PC: variants seen among roughly 807,000 people sequenced by gnomAD.
PC encodes pyruvate carboxylase, mitochondrial.
Under a neutral mutation model 107.8 loss-of-function variants are expected in PC, and 46 were observed. The ratio of observed to expected loss-of-function variants is 0.43; its 90% CI spans 0.34 to 0.55. PC has a LOEUF of 0.55. PC is among the 20% of genes least tolerant of loss of function. The pLI is 0.04. For missense variants in PC, 1,241 were observed against 1,643.1 expected (o/e 0.76, Z 4.23); for synonymous variants, 662 against 684.7 (o/e 0.97, Z 0.52).
intron 3 of PC, among the ~76,000 whole-genome samples, chr11:66,932,383 C>T (rs1948880591): frequency 6.6e-6 from 1 of 152,126 alleles, no homozygotes; most frequent in Admixed American, 6.5e-5. Flanking sequence ...CTGTTTTCAG[C>T]ATGGAAGGCA....
chr11:66,871,165 T>G lies in PC; in HGVS notation c.520A>C (p.Ile174Leu). Reference sequence around the variant, plus strand: ...TCGTGGGCCTCATGCAGGGACGTGATGGGGGCATCTGTGCCAGGGACAACG... The same window carrying G: ...TCGTGGGCCTCATGCAGGGACGTGAGGGGGGCATCTGTGCCAGGGACAACG... ...VPVVPGTDAPITSLHEAHEFS... is the reference protein window; with the variant it reads ...VPVVPGTDAPLTSLHEAHEFS... The change falls in exon 7 of 23, where the codon ATC becomes CTC. Residue 174 changes from isoleucine (I) to leucine (L), a missense_variant. Around this residue, in one of 2 missense-constraint regions of PC, gnomAD observed 1,143 missense variants for 1,551.9 expected, o/e 0.74. Transcript: ENST00000393960. This position sits in a 1 kb window ranked among gnomAD's most constrained non-coding sequence, Gnocchi z 7.4. 3.7e-6 allele frequency: 6 copies of G among 1,613,634 alleles called. No individual in the cohort carries two copies. Among genetic ancestry groups the G allele is most frequent in the Non-Finnish European group, 5.1e-6 (6 of 1,179,716 alleles).
chr11:66,848,443 T>A lies in PC; in HGVS notation c.*456A>T. ...TCTGAGGAGAACGACACAACTGACC[T>A]GCCCACCCATGGGGAGCTTGAAAGG... On this transcript the variant is annotated 3_prime_UTR_variant, in exon 23 of 23. Coordinates refer to ENST00000393960, the MANE Select transcript of PC (RefSeq NM_001040716.2). 1 of 528,140 alleles carries A rather than the reference T, an allele frequency of 1.9e-6. No individual in the cohort carries two copies. The highest frequency in any genetic ancestry group is 3.3e-5 in the South Asian group (1 of 30,452). The allele number at this position is 528,140 out of a possible 1,614,324, so 32.7% of individuals were successfully genotyped here.
chr11:66,879,546 T>G (rs916770329), intron 3 of PC, among the ~76,000 whole-genome samples: 1 of 152,176 alleles, frequency 6.6e-6, no homozygotes, highest in Non-Finnish European at 1.5e-5. Flanking sequence ...TGCCTGAGGT[T>G]ACTGGCCCAG....
chr11:66,891,488 G>A (rs1340116713), intron 3 of PC, among the ~76,000 whole-genome samples: 1 of 151,992 alleles, frequency 6.6e-6, no homozygotes, highest in East Asian at 1.9e-4. Context: ...CCGCCTCCCG[G>A]GTTCGAGCGA....
intron 9 of PC, 127 bp from the exon 10 acceptor site, chr11:66,869,091 C>A: frequency 1.4e-6 from 1 of 718,642 alleles, no homozygotes; most frequent in East Asian, 2.5e-5. Flanking sequence ...GTGGCAAACC[C>A]TGCCCCCACA....
chr11:66,926,406 T>C (rs1948714276), intron 3 of PC, among the ~76,000 whole-genome samples: 1 of 152,228 alleles, frequency 6.6e-6, no homozygotes, highest in African/African-American at 2.4e-5. Flanking sequence ...GCAGAATTTT[T>C]TAAAAAGCTT....
intron 3 of PC, among the ~76,000 whole-genome samples, chr11:66,893,999 TAAG>T (rs1947662595): frequency 1.3e-5 from 2 of 152,170 alleles, no homozygotes; most frequent in Admixed American, 1.3e-4. Context: ...TTTTCATTTC[TAAG>T]AAGAGGACCC....
chr11:66,872,720 G>A (rs1946789212), intron 3 of PC, among the ~76,000 whole-genome samples: 1 of 151,752 alleles, frequency 6.6e-6, no homozygotes, highest in Non-Finnish European at 1.5e-5. Flanking sequence ...GGGCGACAGG[G>A]CAAGACTCCG....
At chr11:66,931,977 C>A (rs1948867031) in intron 3 of PC, among the ~76,000 whole-genome samples, 1 of 150,312 alleles carries the variant, frequency 6.7e-6, no homozygotes, top group South Asian at 2.1e-4. Flanking sequence ...CAAGATCACG[C>A]CACTGCACTC....
intron 11 of PC, 96 bp from the exon 12 acceptor site, chr11:66,864,052 G>T: frequency 2.4e-6 from 3 of 1,236,052 alleles, no homozygotes; most frequent in Non-Finnish European, 3.6e-6. Context: ...CCCAGCAGCT[G>T]CTGAGAGCAG....
At position 66,945,657 on chromosome 11, in the gene PC, T is replaced by C. The variant is rs1187761542; in HGVS notation, c.-1+6773A>G. On this transcript the variant is annotated intron_variant, in intron 3 of 22. Transcript: ENST00000393960. Reference sequence around the variant, plus strand: ...TTGAGAAAGAAAGGCCAAAAGTTAATTAGAAAAATAATTTACTATACTTTA... The same window carrying C: ...TTGAGAAAGAAAGGCCAAAAGTTAACTAGAAAAATAATTTACTATACTTTA... Among the ~76,000 whole-genome samples the C allele has an allele frequency of 2.5e-5, 3 of 117,854 alleles. 1 individual carries two copies. Among genetic ancestry groups the C allele is most frequent in the African/African-American group, 9.1e-5 (3 of 32,942 alleles). The allele number at this position is 117,854 out of a possible 152,430, so 77.3% of individuals were successfully genotyped here. A position where few individuals can be genotyped will look rare whatever the true frequency, so the allele number is the denominator to read the frequency against.
At chr11:66,876,293 G>A (rs1407563464) in intron 3 of PC, among the ~76,000 whole-genome samples, 4 of 152,200 alleles carry the variant, frequency 2.6e-5, no homozygotes, top group African/African-American at 7.2e-5. Flanking sequence ...AAGGGTCCAC[G>A]AGCACCACAT....
rs780341136 is a variant in PC at position 66,915,874 on chromosome 11, G to C, written c.-1+36556C>G. Among the ~76,000 whole-genome samples, 3 of 152,264 alleles carry C rather than the reference G, an allele frequency of 2.0e-5. No individual in the cohort carries two copies. In the East Asian group the frequency reaches 5.8e-4, roughly 29 times the overall value. ...TTGGTTCTGTCTCCCTTCTTTCTTC[G>C]TCCTTTACAGGCAATAGCCACTGCC... On this transcript the variant is annotated intron_variant, in intron 3 of 22. Coordinates refer to ENST00000393960, the MANE Select transcript of PC (RefSeq NM_001040716.2).
chr11:66,878,502 G>A (rs1417967154), intron 3 of PC, among the ~76,000 whole-genome samples: 1 of 152,242 alleles, frequency 6.6e-6, no homozygotes, highest in Admixed American at 6.5e-5. Context: ...GCTTAGCTCA[G>A]GCAGGAAAAT....
At chr11:66,927,307 G>A (rs867665824) in intron 3 of PC, among the ~76,000 whole-genome samples, 1 of 148,798 alleles carries the variant, frequency 6.7e-6, no homozygotes, top group Non-Finnish European at 1.5e-5. Flanking sequence ...TCTAGAGCTC[G>A]ACTCCCAGCC....
chr11:66,889,005 C>T (rs1453633355), intron 3 of PC, among the ~76,000 whole-genome samples: 3 of 152,132 alleles, frequency 2.0e-5, no homozygotes, highest in Non-Finnish European at 4.4e-5. Context: ...ACCCAGGAGG[C>T]GGAGGTTGCT....
At chr11:66,928,023 A>G (rs1247051509) in intron 3 of PC, among the ~76,000 whole-genome samples, 1 of 152,140 alleles carries the variant, frequency 6.6e-6, no homozygotes, top group African/African-American at 2.4e-5. Context: ...TGAAGCCACA[A>G]AGGGACGTGT....
At chr11:66,883,579 A>G (rs945155563) in intron 3 of PC, among the ~76,000 whole-genome samples, 3 of 152,174 alleles carry the variant, frequency 2.0e-5, no homozygotes, top group Non-Finnish European at 2.9e-5. Context: ...CTCAGCAAAG[A>G]GCATTTAATG....
At position 66,871,296 on chromosome 11, in the gene PC, G is replaced by A. The variant is rs950698161; in HGVS notation, c.487+19C>T. 2 of 1,614,002 alleles carry A rather than the reference G, an allele frequency of 1.2e-6. No homozygotes were observed. The highest frequency in any genetic ancestry group is 4.5e-5 in the East Asian group (2 of 44,874). ...TCCAGGAGCTGCGGGGCCACCCCTTGCTTGCCCGTTATATTCACCCGCAGC... is the reference window on the plus strand; with the variant it reads ...TCCAGGAGCTGCGGGGCCACCCCTTACTTGCCCGTTATATTCACCCGCAGC... On this transcript the variant is annotated intron_variant, in intron 6 of 22. Transcript: ENST00000393960. This position sits in a 1 kb window ranked among gnomAD's most constrained non-coding sequence, Gnocchi z 7.4.
Sources: allele counts gnomAD v4.1 joint callset (sites outside exome capture counted in the v4.1 genomes callset), GRCh38; gene constraint gnomAD v4.1.1; regional missense constraint gnomAD v4.1.1; non-coding constraint Gnocchi (gnomAD v3.1); transcripts MANE v1.5; gene names NCBI Gene and HGNC (gene_info 2026-07-23, HGNC 2026-07-21).